CPQ: variants seen among roughly 807,000 people sequenced by gnomAD.
CPQ encodes the protein carboxypeptidase Q, also known as Ser-Met dipeptidase.
CPQ carries 37 observed loss-of-function variants against 45.7 expected under a neutral mutation model. The observed-to-expected ratio is 0.81, with a 90% confidence interval of 0.62 to 1.07. The LOEUF is 1.07. Among genes scored for constraint, CPQ ranks in the 50% least tolerant of loss-of-function variants. The pLI, the probability that CPQ is intolerant of heterozygous loss-of-function variation, is 0.00. For synonymous variants in CPQ, 186 were observed against 205.8 expected, an observed-to-expected ratio of 0.90 and a Z score of 0.82; for missense variants, 537 against 572.9, an observed-to-expected ratio of 0.94 and a Z score of 0.64.
intron 1 of CPQ, among the ~76,000 whole-genome samples, chr8:96,699,180 A>G (rs1809424403): frequency 6.6e-6 from 1 of 152,192 alleles, no homozygotes; most frequent in African/African-American, 2.4e-5. Flanking sequence ...CTCATTTGCA[A>G]CATGGATGGA....
chr8:97,101,232 C>T (rs559217242), intron 7 of CPQ, among the ~76,000 whole-genome samples: 9 of 151,868 alleles, frequency 5.9e-5, no homozygotes, highest in African/African-American at 7.2e-5. Flanking sequence ...AGATAAAGTA[C>T]GATTTGGTGG....
chr8:96,726,690 C>T (rs1433373981), intron 1 of CPQ, among the ~76,000 whole-genome samples: 1 of 152,122 alleles, frequency 6.6e-6, no homozygotes, highest in Non-Finnish European at 1.5e-5. Flanking sequence ...CCCACCAGGC[C>T]CCACCTCCAA....
chr8:97,068,173 G>A (rs1312439536), intron 7 of CPQ, among the ~76,000 whole-genome samples: 4 of 152,226 alleles, frequency 2.6e-5, no homozygotes, highest in Middle Eastern at 3.4e-3. Context: ...TCACATGTAC[G>A]TGTTGTATAA....
chr8:96,681,730 C>T (rs1210475080), intron 1 of CPQ, among the ~76,000 whole-genome samples: 6 of 152,318 alleles, frequency 3.9e-5, no homozygotes, highest in South Asian at 2.1e-4. Context: ...TGCAGACACT[C>T]AATGCCAGCC....
At chr8:96,993,030 A>G (rs993876808) in intron 5 of CPQ, among the ~76,000 whole-genome samples, 2 of 152,210 alleles carry the variant, frequency 1.3e-5, no homozygotes, top group African/African-American at 4.8e-5. Flanking sequence ...CTGACAATAC[A>G]TCATCCCTGG....
At chr8:97,027,287 G>A (rs557552498) in intron 5 of CPQ, among the ~76,000 whole-genome samples, 1 of 152,208 alleles carries the variant, frequency 6.6e-6, no homozygotes, top group South Asian at 2.1e-4. Flanking sequence ...GGAGCAAGTA[G>A]TGGGCACTCT....
intron 2 of CPQ, among the ~76,000 whole-genome samples, chr8:96,799,551 A>T (rs186975983): frequency 1.4e-4 from 21 of 152,294 alleles, no homozygotes; most frequent in Non-Finnish European, 2.6e-4. Flanking sequence ...ATACTTTAAA[A>T]TTGGCGGTAT....
chr8:96,869,233 G>A (rs1812033884), intron 3 of CPQ, among the ~76,000 whole-genome samples: 1 of 151,832 alleles, frequency 6.6e-6, no homozygotes, highest in Non-Finnish European at 1.5e-5. Flanking sequence ...ACCAAATTTT[G>A]CCTTCATTTA....
chr8:97,036,474 T>C (rs1002896972), intron 6 of CPQ, among the ~76,000 whole-genome samples: 3 of 152,240 alleles, frequency 2.0e-5, no homozygotes, highest in East Asian at 1.9e-4. Context: ...AGTTTCATTA[T>C]AGGAGTGGAA....
intron 5 of CPQ, among the ~76,000 whole-genome samples, chr8:96,981,063 A>G (rs1271885960): frequency 1.3e-5 from 2 of 152,218 alleles, no homozygotes; most frequent in Non-Finnish European, 2.9e-5. Flanking sequence ...CTACAAAATA[A>G]GTTGTTTGAG....
chr8:96,842,979 A>C (rs2319933), intron 3 of CPQ, among the ~76,000 whole-genome samples: 66,426 of 151,940 alleles, frequency 0.44, 14,840 homozygotes, highest in Non-Finnish European at 0.48. Flanking sequence ...GAGTTCGGCT[A>C]ACTGCTACCT....
At chr8:96,699,657 A>G (rs981939761) in intron 1 of CPQ, among the ~76,000 whole-genome samples, 1 of 152,112 alleles carries the variant, frequency 6.6e-6, no homozygotes, top group African/African-American at 2.4e-5. Flanking sequence ...CCAAAATAAT[A>G]TAAACCACAG....
chr8:96,853,709 T>C (rs1049540979), intron 3 of CPQ, among the ~76,000 whole-genome samples: 2 of 152,178 alleles, frequency 1.3e-5, no homozygotes, highest in African/African-American at 4.8e-5. Context: ...AAAAGGCTTA[T>C]TGTGAGTGAA....
intron 1 of CPQ, among the ~76,000 whole-genome samples, chr8:96,771,061 G>C (rs1810536445): frequency 6.9e-6 from 1 of 145,676 alleles, no homozygotes; most frequent in African/African-American, 2.5e-5. Flanking sequence ...AGATTATTGT[G>C]GTAGTTCAGG....
At chr8:96,832,724 G>A (rs1173837691) in intron 2 of CPQ, among the ~76,000 whole-genome samples, 1 of 152,132 alleles carries the variant, frequency 6.6e-6, no homozygotes, top group Non-Finnish European at 1.5e-5. Flanking sequence ...ACATGATGAA[G>A]GTGGGAAAAG....
rs1205913346 is a variant in CPQ, at chr8:96,777,747, TATATATATATATA to T, written c.-34-7116_-34-7104del. Among the ~76,000 whole-genome samples, 72 of 13,172 alleles carry T rather than the reference TATATATATATATA, an allele frequency of 5.5e-3. 1 individual carries two copies. The highest frequency in any genetic ancestry group is 0.02 in the South Asian group (5 of 250). The allele number at this position is 13,172 out of a possible 152,430, so 8.6% of individuals were successfully genotyped here. A position where few individuals can be genotyped will look rare whatever the true frequency, so the allele number is the denominator to read the frequency against. On this transcript the variant is annotated intron_variant, in intron 1 of 7. Transcript: ENST00000220763. ...AAATATATATATATATATATATATA[TATATATATATATA>T]TTTTTTTTTTTTTTTTTTTTTTTTT... is the stretch of plus-strand genomic sequence containing the variant.
intron 5 of CPQ, among the ~76,000 whole-genome samples, chr8:97,005,088 C>CT (rs537686336): frequency 0.013 from 1,854 of 145,640 alleles, 14 homozygotes; most frequent in Non-Finnish European, 0.016. Context: ...TATTTATGAT[C>CT]TTTTTTTTTT....
At chr8:97,101,644 C>G (rs1440165077) in intron 7 of CPQ, among the ~76,000 whole-genome samples, 1 of 133,690 alleles carries the variant, frequency 7.5e-6, no homozygotes, top group Admixed American at 8.3e-5. Context: ...GCCATTATGT[C>G]TCTTTGAGAT....
At chr8:96,796,037 TTTAAA>T (rs1353755277) in intron 2 of CPQ, among the ~76,000 whole-genome samples, 2 of 152,066 alleles carry the variant, frequency 1.3e-5, no homozygotes, top group African/African-American at 2.4e-5. Context: ...TTTTAATTAC[TTTAAA>T]TTATTAATGT....
Sources: allele counts gnomAD v4.1 joint callset (sites outside exome capture counted in the v4.1 genomes callset), GRCh38; gene constraint gnomAD v4.1.1; transcripts MANE v1.5; gene names NCBI Gene and HGNC (gene_info 2026-07-23, HGNC 2026-07-21).